PRKCE: variants seen among roughly 807,000 people sequenced by gnomAD.
PRKCE encodes protein kinase C epsilon type.
PRKCE carries 16 observed loss-of-function variants against 85.4 expected under a neutral mutation model. The observed-to-expected ratio is 0.19, with a 90% confidence interval of 0.13 to 0.28. The LOEUF is 0.28. Ranked by LOEUF, PRKCE falls within the 10% of genes least tolerant of loss-of-function variation. The probability of loss-of-function intolerance (pLI) is 1.00; values close to 1 mark genes in which losing one functional copy is unlikely to be tolerated. For synonymous variants in PRKCE, 388 were observed against 371.5 expected, an observed-to-expected ratio of 1.04 and a Z score of -0.51; for missense variants, 573 against 975.2, an observed-to-expected ratio of 0.59 and a Z score of 5.49.
intron 2 of PRKCE, among the ~76,000 whole-genome samples, chr2:45,934,377 G>A (rs926260293): frequency 6.6e-6 from 1 of 152,212 alleles, no homozygotes; most frequent in Non-Finnish European, 1.5e-5. Flanking sequence ...GGCCAGGCAT[G>A]GTCACTCATG....
At chr2:45,861,411 C>T (rs1244304917) in intron 2 of PRKCE, among the ~76,000 whole-genome samples, 1 of 152,082 alleles carries the variant, frequency 6.6e-6, no homozygotes, top group Non-Finnish European at 1.5e-5. Flanking sequence ...ATTACCTGCT[C>T]TGCAGTAATG....
chr2:45,913,471 G>A (rs115180013), intron 2 of PRKCE, among the ~76,000 whole-genome samples: 137 of 152,284 alleles, frequency 9.0e-4, no homozygotes, highest in African/African-American at 3.2e-3. Flanking sequence ...TTGGCTCCTG[G>A]TACAGACTCC....
intron 11 of PRKCE, among the ~76,000 whole-genome samples, chr2:46,097,976 T>C (rs1425757570): frequency 6.6e-6 from 1 of 152,170 alleles, no homozygotes; most frequent in Non-Finnish European, 1.5e-5. Context: ...GGAAGCCGCG[T>C]TATTGCTGAC....
chr2:46,044,125 C>T (rs1204604858), intron 10 of PRKCE, among the ~76,000 whole-genome samples: 1 of 152,166 alleles, frequency 6.6e-6, no homozygotes, highest in African/African-American at 2.4e-5. Flanking sequence ...TGTAAAAGTA[C>T]GCACTGGGGA....
chr2:45,809,749 G>T (rs1688519651), intron 1 of PRKCE, among the ~76,000 whole-genome samples: 1 of 151,514 alleles, frequency 6.6e-6, no homozygotes, highest in Admixed American at 6.6e-5. Context: ...GCGTGGTGGT[G>T]CATGCCTGTA....
At chr2:46,108,892 G>A (rs1671991180) in intron 11 of PRKCE, among the ~76,000 whole-genome samples, 2 of 151,698 alleles carry the variant, frequency 1.3e-5, no homozygotes, top group African/African-American at 2.4e-5. Context: ...TAAAGTCTAT[G>A]TCTAGGTTCT....
chr2:45,790,401 C>A (rs1686944807), intron 1 of PRKCE, among the ~76,000 whole-genome samples: 1 of 152,358 alleles, frequency 6.6e-6, no homozygotes, highest in Non-Finnish European at 1.5e-5. Flanking sequence ...TCCAGTCTCA[C>A]TGATTTGGAG....
At chr2:46,052,353 A>G (rs1351154766) in intron 10 of PRKCE, among the ~76,000 whole-genome samples, 1 of 152,258 alleles carries the variant, frequency 6.6e-6, no homozygotes, top group Admixed American at 6.5e-5. Context: ...TATACTAGCA[A>G]TGAAGAATCC....
chr2:46,002,157 C>T (rs528979945), intron 7 of PRKCE, among the ~76,000 whole-genome samples: 9 of 152,170 alleles, frequency 5.9e-5, no homozygotes, highest in Non-Finnish European at 1.2e-4. Context: ...AAGTCAGGGC[C>T]CACAGATGTA....
intron 1 of PRKCE, among the ~76,000 whole-genome samples, chr2:45,722,508 G>C (rs1007088129): frequency 1.3e-5 from 2 of 152,228 alleles, no homozygotes; most frequent in East Asian, 3.8e-4. Context: ...GGGAACCACT[G>C]CTTACATTTA....
At position 46,184,875 on chromosome 2, in the gene PRKCE, G is replaced by A. The variant is rs768772518; in HGVS notation, c.2208G>A (p.Met736Ile). 6.3e-7 allele frequency: 1 copy of A among 1,599,784 alleles called. No homozygotes were observed. The highest frequency in any genetic ancestry group is 1.1e-5 in the South Asian group (1 of 91,088). ...KGFSYFGEDLMP is the reference protein window; with the variant it reads ...KGFSYFGEDLIP ...TCTCCTACTTTGGTGAAGACCTGAT[G>A]CCCTGAGAGCCCACTGCAGTTGGAC... Residue 736 changes from methionine (M) to isoleucine (I), a missense_variant, in exon 15 of 15, where the codon ATG (methionine) becomes ATA (isoleucine). Physicochemically the swap from Met to Ile is conservative, Grantham distance 10. This residue lies in a region of PRKCE where 45 missense variants were observed against 39.1 expected (regional missense o/e 1.15). Transcript: ENST00000306156. The surrounding 1 kb of genome is among the most constrained non-coding windows in gnomAD (Gnocchi z 5.0).
At chr2:45,898,237 G>A (rs942782861) in intron 2 of PRKCE, among the ~76,000 whole-genome samples, 17 of 152,320 alleles carry the variant, frequency 1.1e-4, no homozygotes, top group African/African-American at 4.1e-4. Flanking sequence ...CCCACACTAG[G>A]AGGGAGGGGA....
At chr2:45,656,646 A>C (rs7602748) in intron 1 of PRKCE, among the ~76,000 whole-genome samples, 1,946 of 152,368 alleles carry the variant, frequency 0.013, 44 homozygotes, top group African/African-American at 0.044. Context: ...ATATAGATTT[A>C]TATAGATCCA....
intron 1 of PRKCE, among the ~76,000 whole-genome samples, chr2:45,776,175 C>T (rs999675949): frequency 6.6e-6 from 1 of 152,206 alleles, no homozygotes; most frequent in Non-Finnish European, 1.5e-5. Context: ...TTCTGCCTTT[C>T]AGTAAAATTA....
At chr2:45,731,703 A>G (rs1681593012) in intron 1 of PRKCE, among the ~76,000 whole-genome samples, 1 of 147,750 alleles carries the variant, frequency 6.8e-6, no homozygotes, top group South Asian at 2.1e-4. Context: ...TGCTCCCTGC[A>G]GACTTGACCT....
At chr2:46,137,925 C>T (rs1169562480) in intron 11 of PRKCE, among the ~76,000 whole-genome samples, 1 of 152,168 alleles carries the variant, frequency 6.6e-6, no homozygotes, top group African/African-American at 2.4e-5. Context: ...GCAGCAAAAT[C>T]ACATTAGGGA....
chr2:45,936,915 C>G (rs747068662), intron 2 of PRKCE, among the ~76,000 whole-genome samples: 28 of 152,126 alleles, frequency 1.8e-4, no homozygotes, highest in Non-Finnish European at 7.4e-5. Flanking sequence ...TACTTTCAGG[C>G]TATAATCAAT....
At chr2:45,741,706 G>A (rs912574045) in intron 1 of PRKCE, among the ~76,000 whole-genome samples, 1 of 151,728 alleles carries the variant, frequency 6.6e-6, no homozygotes, top group South Asian at 2.1e-4. Flanking sequence ...CTGTGGTCTT[G>A]GAAGGGAAGG....
chr2:46,099,354 G>C (rs750343467), intron 11 of PRKCE, among the ~76,000 whole-genome samples: 1 of 152,060 alleles, frequency 6.6e-6, no homozygotes, highest in Non-Finnish European at 1.5e-5. Flanking sequence ...TAACAGAGGT[G>C]CTCATTGACA....
Sources: allele counts gnomAD v4.1 joint callset (sites outside exome capture counted in the v4.1 genomes callset), GRCh38; gene constraint gnomAD v4.1.1; regional missense constraint gnomAD v4.1.1; non-coding constraint Gnocchi (gnomAD v3.1); transcripts MANE v1.5; gene names NCBI Gene and HGNC (gene_info 2026-07-23, HGNC 2026-07-21).